The following PTBP3 variants were observed in gnomAD, a reference collection of about 807,000 sequenced individuals.
PTBP3 encodes polypyrimidine tract-binding protein 3.
Under a neutral mutation model 58.7 loss-of-function variants are expected in PTBP3, and 20 were observed. That is an observed-to-expected ratio of 0.34 (90% CI 0.24 to 0.50). The LOEUF is 0.50. PTBP3 is among the 20% of genes least tolerant of loss of function. The pLI is 0.98. For synonymous variants in PTBP3, 185 were observed against 219.8 expected, an observed-to-expected ratio of 0.84 and a Z score of 1.40; for missense variants, 509 against 637.2, an observed-to-expected ratio of 0.80 and a Z score of 2.17.
intron 1 of PTBP3, among the ~76,000 whole-genome samples, chr9:112,325,803 G>A (rs1830133088): frequency 6.6e-6 from 1 of 152,104 alleles, no homozygotes; most frequent in East Asian, 1.9e-4. Context: ...GCAAGCAGAT[G>A]GCTTGAGCCC....
intron 7 of PTBP3, among the ~76,000 whole-genome samples, chr9:112,244,103 C>G (rs1835771232): frequency 6.6e-6 from 1 of 151,348 alleles, no homozygotes; most frequent in Admixed American, 6.6e-5. Context: ...AGATCAAGAC[C>G]ATCCTAGCTA....
chr9:112,338,902 C>A, the PTBP3 span, among the ~76,000 whole-genome samples: 1 of 152,214 alleles, frequency 6.6e-6, no homozygotes, highest in Non-Finnish European at 1.5e-5. Flanking sequence ...AGGTGCTGTC[C>A]CTTGTCACTG....
intron 1 of PTBP3, among the ~76,000 whole-genome samples, chr9:112,320,314 A>ATTTTTTTT (rs67226574): frequency 1.6e-4 from 12 of 75,712 alleles, no homozygotes; most frequent in Non-Finnish European, 2.8e-4. Flanking sequence ...ATATATATAT[A>ATTTTTTTT]TTTTTTTTTA....
intron 7 of PTBP3, among the ~76,000 whole-genome samples, chr9:112,236,737 G>A (rs1835453131): frequency 6.6e-6 from 1 of 152,082 alleles, no homozygotes; most frequent in African/African-American, 2.4e-5. Flanking sequence ...AATACTGGTG[G>A]AAATGACACA....
At chr9:112,360,761 T>G in the PTBP3 span, among the ~76,000 whole-genome samples, 1 of 152,206 alleles carries the variant, frequency 6.6e-6, no homozygotes, top group Non-Finnish European at 1.5e-5. Flanking sequence ...CCAAACTTAT[T>G]TAGTAGGTTA....
upstream of PTBP3, among the ~76,000 whole-genome samples, chr9:112,337,233 T>C (rs1830584000): frequency 1.3e-5 from 2 of 152,180 alleles, no homozygotes; most frequent in African/African-American, 4.8e-5. Flanking sequence ...TTTCACTGTG[T>C]TGGCCAGGCT....
chr9:112,379,679 G>A, the PTBP3 span, among the ~76,000 whole-genome samples: 6 of 152,196 alleles, frequency 3.9e-5, no homozygotes, highest in Non-Finnish European at 5.9e-5. Context: ...CCAGGCTCGG[G>A]CGTAGGGGCA....
chr9:112,376,653 C>G, the PTBP3 span, among the ~76,000 whole-genome samples: 1 of 152,064 alleles, frequency 6.6e-6, no homozygotes, highest in Non-Finnish European at 1.5e-5. Flanking sequence ...AACCTGGAGT[C>G]TGATGTTGGA....
chr9:112,229,929 A>T (rs376262782), intron 10 of PTBP3, among the ~76,000 whole-genome samples: 3 of 152,214 alleles, frequency 2.0e-5, no homozygotes, highest in East Asian at 3.8e-4. Context: ...AAAGAGTCAT[A>T]TTAAAATGTA....
At chr9:112,232,367 A>G in intron 8 of PTBP3, 129 bp from the exon 9 acceptor site, 1 of 950,084 alleles carries the variant, frequency 1.1e-6, no homozygotes, top group Non-Finnish European at 1.5e-6. Flanking sequence ...CCATAAAGAT[A>G]CTGAAGGCCA....
the PTBP3 span, among the ~76,000 whole-genome samples, chr9:112,352,713 G>C: frequency 6.6e-6 from 1 of 152,154 alleles, no homozygotes; most frequent in Non-Finnish European, 1.5e-5. Context: ...GGAAATGTTT[G>C]TCAAATCTCA....
chr9:112,327,931 C>G (rs1830223552), intron 1 of PTBP3, among the ~76,000 whole-genome samples: 1 of 152,144 alleles, frequency 6.6e-6, no homozygotes, highest in African/African-American at 2.4e-5. Flanking sequence ...GTGACAGACA[C>G]TGGAAACACA....
chr9:112,225,172 T>A (rs1834935167), intron 12 of PTBP3, among the ~76,000 whole-genome samples: 1 of 152,162 alleles, frequency 6.6e-6, no homozygotes, highest in Admixed American at 6.6e-5. Context: ...TGACTAAAAG[T>A]AGATTCATCT....
At chr9:112,378,445 A>G in the PTBP3 span, among the ~76,000 whole-genome samples, 2 of 152,364 alleles carry the variant, frequency 1.3e-5, no homozygotes, top group South Asian at 2.1e-4. Context: ...GAAGCACACA[A>G]ATTCAAGAAA....
chr9:112,341,256 C>T, the PTBP3 span, among the ~76,000 whole-genome samples: 1 of 152,050 alleles, frequency 6.6e-6, no homozygotes, highest in African/African-American at 2.4e-5. Context: ...CTCAGCCTCC[C>T]GAGTAGCTGG....
chr9:112,278,795 A>G (rs915910981), intron 2 of PTBP3, among the ~76,000 whole-genome samples: 1 of 152,244 alleles, frequency 6.6e-6, no homozygotes, highest in Non-Finnish European at 1.5e-5. Flanking sequence ...TAAAACGGGT[A>G]TAACAAGAAT....
intron 7 of PTBP3, among the ~76,000 whole-genome samples, chr9:112,248,848 C>A (rs904143213): frequency 4.6e-5 from 7 of 152,094 alleles, no homozygotes; most frequent in Non-Finnish European, 1.0e-4. Flanking sequence ...CTAAAACAAC[C>A]AAACTATTTA....
chr9:112,372,112 AC>A, the PTBP3 span, among the ~76,000 whole-genome samples: 1 of 152,150 alleles, frequency 6.6e-6, no homozygotes, highest in South Asian at 2.1e-4. Context: ...TTATTCTGTC[AC>A]CAAGGCTGGA....
upstream of PTBP3, among the ~76,000 whole-genome samples, chr9:112,338,463 A>T (rs1367756119): frequency 6.6e-6 from 1 of 152,218 alleles, no homozygotes; most frequent in African/African-American, 2.4e-5. Flanking sequence ...CTTATTTTTT[A>T]AATTTCCTGT....
Sources: gnomAD v4.1 joint callset for allele counts (sites outside exome capture counted in the v4.1 genomes callset) on GRCh38, gnomAD v4.1.1 for gene constraint, MANE v1.5 for transcripts, NCBI Gene and HGNC (gene_info 2026-07-23, HGNC 2026-07-21) for gene names.